ROBO2: variants seen among roughly 807,000 people sequenced by gnomAD.
The protein encoded by ROBO2 is roundabout homolog 2.
A neutral mutation model predicts 160.8 loss-of-function variants in ROBO2; 53 were observed. That is an observed-to-expected ratio of 0.33 (90% CI 0.26 to 0.41). ROBO2 has a LOEUF of 0.41. ROBO2 is among the 10% of genes least tolerant of loss of function. The probability of loss-of-function intolerance (pLI) is 1.00; values close to 1 mark genes in which losing one functional copy is unlikely to be tolerated. For missense variants in ROBO2, 1,577 were observed against 1,722.4 expected (o/e 0.92, Z 1.49); for synonymous variants, 664 against 611.7 (o/e 1.09, Z -1.26).
At chr3:77,020,535 T>C (rs1355151926) in intron 2 of ROBO2, among the ~76,000 whole-genome samples, 1 of 152,168 alleles carries the variant, frequency 6.6e-6, no homozygotes, top group African/African-American at 2.4e-5. Context: ...CATGCCAGTA[T>C]TGTTCGTATA....
intron 2 of ROBO2, among the ~76,000 whole-genome samples, chr3:76,276,144 G>C (rs948645173): frequency 6.6e-6 from 1 of 151,952 alleles, no homozygotes; most frequent in South Asian, 2.1e-4. Flanking sequence ...GCAATTTGAA[G>C]TTTGTTAAAA....
chr3:76,736,054 C>T (rs972896091), intron 2 of ROBO2, among the ~76,000 whole-genome samples: 3 of 151,556 alleles, frequency 2.0e-5, no homozygotes, highest in African/African-American at 7.3e-5. Context: ...GAGGCCGAGG[C>T]GGGCGGATCA....
chr3:76,849,636 A>G (rs750851643), intron 2 of ROBO2, among the ~76,000 whole-genome samples: 20 of 152,292 alleles, frequency 1.3e-4, no homozygotes, highest in African/African-American at 3.1e-4. Context: ...GTAAAAATCT[A>G]TTTCTGTTTT....
At chr3:77,562,224 T>C (rs2093344852) in intron 9 of ROBO2, among the ~76,000 whole-genome samples, 1 of 152,210 alleles carries the variant, frequency 6.6e-6, no homozygotes, top group Non-Finnish European at 1.5e-5. Flanking sequence ...CATTGAAACA[T>C]AGTTTATTTG....
At chr3:76,809,897 A>C (rs2608133) in intron 2 of ROBO2, among the ~76,000 whole-genome samples, 38,624 of 151,818 alleles carry the variant, frequency 0.25, 5,278 homozygotes, top group East Asian at 0.45. Context: ...GAACAGGACA[A>C]TTTTATATAT....
intron 2 of ROBO2, among the ~76,000 whole-genome samples, chr3:76,449,286 A>C (rs2077354778): frequency 6.6e-6 from 1 of 152,116 alleles, no homozygotes; most frequent in South Asian, 2.1e-4. Flanking sequence ...GTATGAGCTA[A>C]ATTGAAATTT....
At chr3:77,425,041 G>A (rs1423188022) in intron 2 of ROBO2, among the ~76,000 whole-genome samples, 1 of 152,140 alleles carries the variant, frequency 6.6e-6, no homozygotes, top group African/African-American at 2.4e-5. Context: ...TAGTATTTGA[G>A]TGAGATAAAC....
chr3:76,657,754 GTATA>G (rs143226211), intron 2 of ROBO2, among the ~76,000 whole-genome samples: 1 of 143,936 alleles, frequency 6.9e-6, no homozygotes, highest in Non-Finnish European at 1.5e-5. Context: ...TCATATATAT[GTATA>G]TATATATGTT....
chr3:76,209,253 C>G (rs908869153), intron 2 of ROBO2, among the ~76,000 whole-genome samples: 2 of 152,140 alleles, frequency 1.3e-5, no homozygotes, highest in African/African-American at 4.8e-5. Context: ...GCTTTCCTGT[C>G]AGACCTACCT....
chr3:77,428,908 C>A (rs114710983), intron 2 of ROBO2, among the ~76,000 whole-genome samples: 2,014 of 152,130 alleles, frequency 0.013, 45 homozygotes, highest in African/African-American at 0.044. Flanking sequence ...TCTGTCAAAA[C>A]TCATAGAGTT....
chr3:76,665,906 A>G (rs61632407), intron 2 of ROBO2, among the ~76,000 whole-genome samples: 1 of 63,228 alleles, frequency 1.6e-5, no homozygotes, highest in African/African-American at 4.1e-5. Flanking sequence ...TATTATATAT[A>G]ATATACACAT....
At chr3:77,104,033 AG>A (rs984462947) in intron 2 of ROBO2, among the ~76,000 whole-genome samples, 1 of 152,158 alleles carries the variant, frequency 6.6e-6, no homozygotes, top group Non-Finnish European at 1.5e-5. Flanking sequence ...ATCCATAGAG[AG>A]CTTTTTAAAA....
intron 5 of ROBO2, among the ~76,000 whole-genome samples, chr3:77,501,734 G>T (rs2087647701): frequency 6.6e-6 from 1 of 151,894 alleles, no homozygotes; most frequent in Admixed American, 6.6e-5. Context: ...CCAGAAAATT[G>T]AAATAGATGG....
At chr3:77,218,829 G>A (rs1307688661) in intron 2 of ROBO2, among the ~76,000 whole-genome samples, 1 of 152,178 alleles carries the variant, frequency 6.6e-6, no homozygotes, top group African/African-American at 2.4e-5. Flanking sequence ...AGTATCAAGA[G>A]CTGCACATTT....
chr3:77,592,243 A>G (rs1230934205), intron 17 of ROBO2, among the ~76,000 whole-genome samples: 1 of 152,156 alleles, frequency 6.6e-6, no homozygotes, highest in Non-Finnish European at 1.5e-5. Context: ...AAATATTTAC[A>G]TAATGTGTGA....
intron 2 of ROBO2, among the ~76,000 whole-genome samples, chr3:77,293,188 A>G (rs1470644888): frequency 6.6e-6 from 1 of 151,268 alleles, no homozygotes; most frequent in Admixed American, 6.6e-5. Context: ...TAAAGACATA[A>G]AGTAAAATTG....
intron 2 of ROBO2, among the ~76,000 whole-genome samples, chr3:76,108,076 C>T (rs763890243): frequency 1.5e-4 from 23 of 152,016 alleles, no homozygotes; most frequent in Non-Finnish European, 3.2e-4. Context: ...ATTAGATGCT[C>T]TATCTACGTG....
At chr3:77,217,906 A>G (rs1008767148) in intron 2 of ROBO2, among the ~76,000 whole-genome samples, 34 of 152,374 alleles carry the variant, frequency 2.2e-4, no homozygotes, top group African/African-American at 7.7e-4. Flanking sequence ...ATGAAATATT[A>G]CAGACAGGAG....
At chr3:76,312,892 T>C (rs1358451586) in intron 2 of ROBO2, among the ~76,000 whole-genome samples, 1 of 152,216 alleles carries the variant, frequency 6.6e-6, no homozygotes, top group Non-Finnish European at 1.5e-5. Flanking sequence ...AAAATGCTTG[T>C]GTGTGTTCCT....
Sources: gnomAD v4.1 joint callset for allele counts (sites outside exome capture counted in the v4.1 genomes callset) on GRCh38, gnomAD v4.1.1 for gene constraint, MANE v1.5 for transcripts, NCBI Gene and HGNC (gene_info 2026-07-23, HGNC 2026-07-21) for gene names.